CLEC9A: variants seen among roughly 807,000 people sequenced by gnomAD.
CLEC9A encodes the protein C-type lectin domain containing 9A.
Under a neutral mutation model 30.0 loss-of-function variants are expected in CLEC9A, and 24 were observed. The observed-to-expected ratio is 0.80, with a 90% CI of 0.58 to 1.13. The LOEUF (loss-of-function observed/expected upper bound fraction) is 1.13. Among genes scored for constraint, CLEC9A ranks in the 50% most tolerant of loss-of-function variants. The pLI, the probability that CLEC9A is intolerant of heterozygous loss-of-function variation, is 0.00. For missense variants in CLEC9A, 251 were observed against 280.9 expected, an observed-to-expected ratio of 0.89 and a Z score of 0.76; for synonymous variants, 111 against 96.8, an observed-to-expected ratio of 1.15 and a Z score of -0.86.
chr12:10,049,586 G>C (rs1257396973), intron 2 of CLEC9A, among the ~76,000 whole-genome samples: 1 of 151,974 alleles, frequency 6.6e-6, no homozygotes, highest in Admixed American at 6.5e-5. Flanking sequence ...TCGTTTTTTT[G>C]TTAGAGATGG....
At chr12:10,055,783 G>A (rs1240296853) in intron 5 of CLEC9A, among the ~76,000 whole-genome samples, 4 of 151,964 alleles carry the variant, frequency 2.6e-5, no homozygotes, top group African/African-American at 4.8e-5. Flanking sequence ...TAGGCCAGGC[G>A]TGGTGGCTCA....
At position 10,064,838 on chromosome 12, in the gene CLEC9A, C is replaced by T. The variant is rs997271993; in HGVS notation, c.578C>T (p.Ser193Phe). Residue 193 changes from serine (S) to phenylalanine (F), a missense_variant, in exon 8 of 9, where the codon TCT (serine) becomes TTT (phenylalanine). Ser to Phe is a radical substitution (Grantham distance 155, BLOSUM62 -2). Transcript: ENST00000355819. ...SGRWLWQDGS[S>F]PSPGLLPAER... ...CGCTGGCTTTGGCAAGATGGCTCCT[C>T]TCCTTCTCCTGGCCTGTAAGTCTCT... is the stretch of plus-strand genomic sequence containing the variant. 6.2e-7 allele frequency: 1 copy of T among 1,612,984 alleles called. No homozygotes were observed. The highest frequency in any genetic ancestry group is 8.5e-7 in the Non-Finnish European group (1 of 1,179,494).
chr12:10,043,568 A>T (rs2137300945), intron 2 of CLEC9A, among the ~76,000 whole-genome samples: 1 of 151,130 alleles, frequency 6.6e-6, no homozygotes, highest in African/African-American at 2.4e-5. Flanking sequence ...TATACCTGAT[A>T]TTATTCCCAT....
chr12:10,065,391 G>C, intron 8 of CLEC9A, 109 bp from the exon 9 acceptor site: 1 of 1,229,518 alleles, frequency 8.1e-7, no homozygotes, highest in Non-Finnish European at 1.1e-6. Context: ...GGAAGTTGCT[G>C]TGTCAACACA....
intron 1 of CLEC9A, among the ~76,000 whole-genome samples, chr12:10,034,741 A>C (rs566395351): frequency 6.6e-6 from 1 of 152,142 alleles, no homozygotes; most frequent in East Asian, 1.9e-4. Context: ...CCTCTAGGGG[A>C]GGGGCAGGCT....
At chr12:10,063,932 C>G (rs1228888605) in intron 7 of CLEC9A, among the ~76,000 whole-genome samples, 1 of 152,054 alleles carries the variant, frequency 6.6e-6, no homozygotes, top group Admixed American at 6.6e-5. Context: ...TACTTGAACC[C>G]AGGAGGTAGA....
chr12:10,039,812 C>CTTTATTTA (rs538314490), intron 1 of CLEC9A, among the ~76,000 whole-genome samples: 38 of 151,854 alleles, frequency 2.5e-4, no homozygotes, highest in African/African-American at 9.0e-4. Flanking sequence ...ATCACAAGTA[C>CTTTATTTA]TTTATTTATT....
intron 1 of CLEC9A, among the ~76,000 whole-genome samples, chr12:10,035,098 ACT>A (rs1865732278): frequency 6.6e-6 from 1 of 151,954 alleles, no homozygotes; most frequent in South Asian, 2.1e-4. Flanking sequence ...TCCCGGCCAA[ACT>A]CTGCCTTGTT....
chr12:10,047,838 T>G (rs974193976), intron 2 of CLEC9A, among the ~76,000 whole-genome samples: 3 of 152,240 alleles, frequency 2.0e-5, no homozygotes, highest in African/African-American at 7.2e-5. Context: ...GGAAACCTTT[T>G]AGCTGGTAGA....
chr12:10,049,143 GA>G (rs35792867), intron 2 of CLEC9A, among the ~76,000 whole-genome samples: 4,412 of 145,858 alleles, frequency 0.03, 200 homozygotes, highest in African/African-American at 0.1. Context: ...AATATTTTGA[GA>G]AAAAAAAAAG....
At chr12:10,050,721 G>A (rs1304736239) in intron 2 of CLEC9A, among the ~76,000 whole-genome samples, 1 of 152,128 alleles carries the variant, frequency 6.6e-6, no homozygotes, top group African/African-American at 2.4e-5. Context: ...GAGAACAATT[G>A]GAAATTAATG....
At chr12:10,052,873 G>C (rs1175381163) in intron 4 of CLEC9A, 95 bp downstream of exon 4, 6 of 1,363,774 alleles carry the variant, frequency 4.4e-6, no homozygotes, top group South Asian at 1.4e-5. Flanking sequence ...ATTCTAATCC[G>C]AGATAATCTA....
chr12:10,054,195 A>G, intron 4 of CLEC9A, 76 bp from the exon 5 acceptor site: 3 of 1,143,392 alleles, frequency 2.6e-6, no homozygotes, highest in Non-Finnish European at 2.6e-6. Flanking sequence ...CTTTTACTCA[A>G]TCTCAATCTA....
At chr12:10,042,179 T>C (rs944090164) in intron 2 of CLEC9A, among the ~76,000 whole-genome samples, 2 of 152,226 alleles carry the variant, frequency 1.3e-5, no homozygotes, top group Non-Finnish European at 2.9e-5. Context: ...AAAGGTATAG[T>C]TGAATTTCAA....
chr12:10,037,004 G>A (rs1289525818), intron 1 of CLEC9A, among the ~76,000 whole-genome samples: 1 of 152,136 alleles, frequency 6.6e-6, no homozygotes, highest in African/African-American at 2.4e-5. Context: ...AAACCAACCA[G>A]CATATTTCTG....
At chr12:10,056,862 A>G (rs1319076218) in intron 5 of CLEC9A, among the ~76,000 whole-genome samples, 1 of 152,154 alleles carries the variant, frequency 6.6e-6, no homozygotes, top group African/African-American at 2.4e-5. Flanking sequence ...AATTTCTAGA[A>G]AATTCTTACA....
intron 1 of CLEC9A, among the ~76,000 whole-genome samples, chr12:10,040,361 G>A (rs938553422): frequency 3.3e-5 from 5 of 150,990 alleles, no homozygotes; most frequent in African/African-American, 1.2e-4. Flanking sequence ...TGTCAGTTTT[G>A]TGTATTTTTA....
chr12:10,052,740 ACACTTAC>A lies in CLEC9A; in HGVS notation c.56_62del (p.Thr19ArgfsTer16). ...CTTCAGTGGGATAGCCCAGCACCAG[ACACTTAC>A]CAGAAATGTCTGTCTTCCAACAAAT... On this transcript the variant is annotated frameshift_variant, in exon 4 of 9. Transcript: ENST00000355819. LOFTEE classifies it high-confidence loss of function. 1 of 1,613,926 alleles carries A rather than the reference ACACTTAC, an allele frequency of 6.2e-7. No individual in the cohort carries two copies.
intron 1 of CLEC9A, 127 bp from the exon 2 acceptor site, chr12:10,041,339 A>G: frequency 4.2e-6 from 1 of 238,858 alleles, no homozygotes; most frequent in Non-Finnish European, 8.5e-6. Flanking sequence ...TCATTTCTCC[A>G]ACCCCTGGAG....
Sources: gnomAD v4.1 joint callset for allele counts (sites outside exome capture counted in the v4.1 genomes callset) on GRCh38, gnomAD v4.1.1 for gene constraint, MANE v1.5 for transcripts, NCBI Gene and HGNC (gene_info 2026-07-23, HGNC 2026-07-21) for gene names.